Variants in PDS5A observed in about 807,000 individuals in gnomAD.
The protein encoded by PDS5A is PDS5 cohesin associated factor A, also known as sister chromatid cohesion protein PDS5 homolog A.
A neutral mutation model predicts 167.1 loss-of-function variants in PDS5A; 42 were observed. The observed-to-expected ratio is 0.25, with a 90% CI of 0.20 to 0.33. The LOEUF (loss-of-function observed/expected upper bound fraction) is 0.33. Among genes scored for constraint, PDS5A ranks in the 10% least tolerant of loss-of-function variants. The probability of loss-of-function intolerance (pLI) is 1.00; values close to 1 mark genes in which losing one functional copy is unlikely to be tolerated. For synonymous variants in PDS5A, 553 were observed against 554.6 expected (o/e 1.00, Z 0.04); for missense variants, 1,033 against 1,605.9 (o/e 0.64, Z 6.10).
chr4:39,952,395 G>A (rs1466493962), intron 2 of PDS5A, among the ~76,000 whole-genome samples: 1 of 152,114 alleles, frequency 6.6e-6, no homozygotes, highest in African/African-American at 2.4e-5. Context: ...AGGTGATGTG[G>A]AAAAAATTTG....
intron 17 of PDS5A, among the ~76,000 whole-genome samples, chr4:39,885,784 A>AC (rs1444466939): frequency 7.0e-6 from 1 of 142,516 alleles, no homozygotes. Flanking sequence ...AAAAACAAAC[A>AC]AAAAAAAACA....
chr4:39,917,104 CA>C lies in PDS5A; in HGVS notation c.819del (p.Phe273LeufsTer3). 1.3e-6 allele frequency: 2 copies of C among 1,560,588 alleles called. No individual in the cohort carries two copies. The highest frequency in any genetic ancestry group is 1.7e-6 in the Non-Finnish European group (2 of 1,153,470). ...EHVFDLIQEL[F>X]AIDPHLLLSV... ...GATAATAATAAATGAGGATCTATAG[CA>C]AAAAGTTCCTGAATCAGATCAAATA... On this transcript the variant is annotated frameshift_variant, in exon 8 of 33. Transcript: ENST00000303538. LOFTEE classifies it high-confidence loss of function.
chr4:39,881,362 T>C (rs1720912669), intron 17 of PDS5A, among the ~76,000 whole-genome samples: 1 of 152,008 alleles, frequency 6.6e-6, no homozygotes, highest in Non-Finnish European at 1.5e-5. Context: ...TTTTTTTTTT[T>C]TGAGGACCCT....
intron 32 of PDS5A, among the ~76,000 whole-genome samples, chr4:39,832,669 G>A (rs1413665404): frequency 6.6e-6 from 1 of 152,070 alleles, no homozygotes; most frequent in Non-Finnish European, 1.5e-5. Flanking sequence ...AGACCAGCCT[G>A]GGCAATACAG....
intron 16 of PDS5A, among the ~76,000 whole-genome samples, chr4:39,896,196 C>T (rs1404139555): frequency 6.6e-6 from 1 of 151,688 alleles, no homozygotes; most frequent in African/African-American, 2.4e-5. Context: ...GTGTGCGCCA[C>T]CATGTGCAGC....
At chr4:39,889,553 T>C (rs552945140) in intron 17 of PDS5A, among the ~76,000 whole-genome samples, 133 of 152,328 alleles carry the variant, frequency 8.7e-4, no homozygotes, top group African/African-American at 3.0e-3. Context: ...TGGAAAGATA[T>C]ATAGCTTATC....
At chr4:39,924,487 G>A (rs1356480559) in intron 5 of PDS5A, among the ~76,000 whole-genome samples, 1 of 152,124 alleles carries the variant, frequency 6.6e-6, no homozygotes, top group Non-Finnish European at 1.5e-5. Context: ...ATCCTTTCCT[G>A]TTTGTTTCAG....
rs1716611223 is a variant in PDS5A at position 39,838,186 on chromosome 4, G to A, written c.3680C>T (p.Thr1227Ile). ...KNKEINSDQA[T>I]QGNISSDRGK... ...TCGGTCACTGCTGATGTTGCCCTGGGTAGCCTGATCAGAATTAATTTCCTA... is the reference window on the plus strand; with the variant it reads ...TCGGTCACTGCTGATGTTGCCCTGGATAGCCTGATCAGAATTAATTTCCTA... Residue 1227 changes from threonine (T) to isoleucine (I), a missense_variant, in exon 32 of 33, where the codon ACC becomes ATC. Physicochemically the swap from Thr to Ile is moderately conservative, Grantham distance 89. Coordinates refer to ENST00000303538, the MANE Select transcript of PDS5A (RefSeq NM_001100399.2). The A allele has an allele frequency of 1.9e-6, 3 of 1,588,544 alleles. No homozygotes were observed. Among genetic ancestry groups the A allele is most frequent in the African/African-American group, 2.7e-5 (2 of 73,602 alleles).
chr4:39,951,244 G>A (rs954834227), intron 2 of PDS5A, among the ~76,000 whole-genome samples: 4 of 152,094 alleles, frequency 2.6e-5, no homozygotes, highest in Admixed American at 2.6e-4. Flanking sequence ...GTCTTTCTGT[G>A]ACTACATAAT....
chr4:39,855,640 A>T (rs1718469749), intron 26 of PDS5A, among the ~76,000 whole-genome samples: 1 of 152,206 alleles, frequency 6.6e-6, no homozygotes, highest in African/African-American at 2.4e-5. Context: ...AAGAGACAGA[A>T]ATAATTAAAA....
At chr4:39,887,721 T>C (rs990801421) in intron 17 of PDS5A, among the ~76,000 whole-genome samples, 1 of 151,710 alleles carries the variant, frequency 6.6e-6, no homozygotes, top group African/African-American at 2.4e-5. Flanking sequence ...AATAGAAAAA[T>C]AGGATTACAT....
At chr4:39,900,652 G>A in intron 13 of PDS5A, 145 bp from the exon 14 acceptor site, 1 of 604,738 alleles carries the variant, frequency 1.7e-6, no homozygotes, top group Non-Finnish European at 3.0e-6. Context: ...ATATTTATTA[G>A]GATTTAAAAC....
chr4:39,966,910 T>G (rs1278265507), intron 2 of PDS5A, among the ~76,000 whole-genome samples: 1 of 146,168 alleles, frequency 6.8e-6, no homozygotes, highest in Non-Finnish European at 1.5e-5. Flanking sequence ...GAGGCAGAAT[T>G]GCTTGAACCT....
chr4:39,948,746 T>C (rs1311161324), intron 2 of PDS5A, among the ~76,000 whole-genome samples: 1 of 151,292 alleles, frequency 6.6e-6, no homozygotes, highest in Non-Finnish European at 1.5e-5. Flanking sequence ...TGCCTCAGCC[T>C]CCTGAGTAGC....
chr4:39,895,355 CTG>C (rs1164226076), intron 16 of PDS5A, among the ~76,000 whole-genome samples: 1 of 152,118 alleles, frequency 6.6e-6, no homozygotes, highest in Non-Finnish European at 1.5e-5. Context: ...CTGTAGGGAA[CTG>C]TAACACAGTG....
intron 5 of PDS5A, among the ~76,000 whole-genome samples, chr4:39,924,954 A>C (rs1560488440): frequency 6.6e-6 from 1 of 152,152 alleles, no homozygotes; most frequent in African/African-American, 2.4e-5. Context: ...TCTACTAAAA[A>C]TACAAAAATT....
At position 39,825,318 on chromosome 4, in the gene PDS5A, T is replaced by C. The variant is rs1715194902; in HGVS notation, c.*167A>G. The C allele has an allele frequency of 2.0e-6, 1 of 488,156 alleles. No individual in the cohort carries two copies. Among genetic ancestry groups the C allele is most frequent in the Non-Finnish European group, 3.6e-6 (1 of 275,260 alleles). 30.2% of individuals were successfully genotyped at this position (488,156 alleles called of 1,614,324 possible). A position where few individuals can be genotyped will look rare whatever the true frequency, so the allele number is the denominator to read the frequency against. ...CTGTACATTTCCATCAGAGGACTTGTGGTCATGTGAAAAGGAAGTAATAGT... is the reference window on the plus strand; with the variant it reads ...CTGTACATTTCCATCAGAGGACTTGCGGTCATGTGAAAAGGAAGTAATAGT... On this transcript the variant is annotated 3_prime_UTR_variant, in exon 33 of 33. Transcript: ENST00000303538.
chr4:39,930,251 T>TG (rs1158646562), intron 2 of PDS5A, among the ~76,000 whole-genome samples: 2,123 of 115,572 alleles, frequency 0.018, 117 homozygotes, highest in East Asian at 0.067. Flanking sequence ...AAAAAAGTTT[T>TG]TTTGTTTTTT....
At chr4:39,836,592 G>A (rs1412899963) in intron 32 of PDS5A, among the ~76,000 whole-genome samples, 2 of 139,584 alleles carry the variant, frequency 1.4e-5, no homozygotes, top group African/African-American at 2.7e-5. Flanking sequence ...CCATGCCCAC[G>A]ACCACACCCG....
Sources: allele counts gnomAD v4.1 joint callset (sites outside exome capture counted in the v4.1 genomes callset), GRCh38; gene constraint gnomAD v4.1.1; transcripts MANE v1.5; gene names NCBI Gene and HGNC (gene_info 2026-07-23, HGNC 2026-07-21).